Variants in B3GALNT2 observed in about 807,000 individuals in gnomAD.
B3GALNT2 encodes the protein UDP-GalNAc:beta-1,3-N-acetylgalactosaminyltransferase 2.
In B3GALNT2, 53 loss-of-function variants were observed where a neutral mutation model predicts 61.1. That is an observed-to-expected ratio of 0.87 (90% CI 0.70 to 1.09). B3GALNT2 has a LOEUF of 1.09. Ranked by LOEUF, B3GALNT2 falls within the 50% of genes least tolerant of loss-of-function variation. The pLI, the probability that B3GALNT2 is intolerant of heterozygous loss-of-function variation, is 0.00. For synonymous variants in B3GALNT2, 223 were observed against 237.4 expected, an observed-to-expected ratio of 0.94 and a Z score of 0.56; for missense variants, 544 against 623.0, an observed-to-expected ratio of 0.87 and a Z score of 1.35.
intron 1 of B3GALNT2, chr1:235,496,349 GTATT>G: frequency 1.0e-6 from 1 of 984,596 alleles, no homozygotes; most frequent in South Asian, 2.2e-5. Flanking sequence ...TGGAATAGAG[GTATT>G]TATTATTTCA....
rs1215976552 is a variant in B3GALNT2 at position 235,494,725 on chromosome 1, G to A, written c.216C>T (p.Ser72=). 1 of 1,613,148 alleles carries A rather than the reference G, an allele frequency of 6.2e-7. No individual in the cohort carries two copies. Among genetic ancestry groups the A allele is most frequent in the Non-Finnish European group, 8.5e-7 (1 of 1,179,220 alleles). The change falls in exon 2 of 12, where the codon AGC becomes AGT. Residue 72 remains serine, a synonymous_variant. Coordinates refer to ENST00000366600, the MANE Select transcript of B3GALNT2 (RefSeq NM_152490.5). The part of the protein sequence containing the change: ...NNHELRNVIR[S]TWMRHLLQHP... The stretch of plus-strand genomic sequence containing the variant: ...GCTGTAGCAAATGTCTCATCCAGGT[G>A]CTTCTTATCACGTTTCGAAGTTCAT...
At chr1:235,485,007 G>C (rs1684735294) in intron 3 of B3GALNT2, among the ~76,000 whole-genome samples, 1 of 152,230 alleles carries the variant, frequency 6.6e-6, no homozygotes, top group Non-Finnish European at 1.5e-5. Flanking sequence ...AGCAACTGAA[G>C]TCACTTCAAA....
At chr1:235,496,681 G>T (rs1040218216) in intron 1 of B3GALNT2, among the ~76,000 whole-genome samples, 1 of 151,942 alleles carries the variant, frequency 6.6e-6, no homozygotes, top group Non-Finnish European at 1.5e-5. Flanking sequence ...GAGTAGCTGG[G>T]ATTATAGGCG....
At chr1:235,480,217 C>T in intron 4 of B3GALNT2, 68 bp from the exon 5 acceptor site, 1 of 1,576,746 alleles carries the variant, frequency 6.3e-7, no homozygotes, top group Non-Finnish European at 8.6e-7. Context: ...AAAAAGTTTT[C>T]AAACACCTTA....
At chr1:235,459,746 T>C (rs1300862462) in intron 7 of B3GALNT2, among the ~76,000 whole-genome samples, 1 of 152,116 alleles carries the variant, frequency 6.6e-6, no homozygotes, top group African/African-American at 2.4e-5. Flanking sequence ...GAGGAATACA[T>C]CTAGGGAGAA....
At chr1:235,466,357 C>T (rs1442600033) in intron 6 of B3GALNT2, among the ~76,000 whole-genome samples, 1 of 151,872 alleles carries the variant, frequency 6.6e-6, no homozygotes, top group Non-Finnish European at 1.5e-5. Context: ...GCGTGAGCCA[C>T]CACACCCGGC....
rs147033218 is a variant in B3GALNT2, at chr1:235,503,415, G to T, written c.112+726C>A. ...AAAGCATTCTATTAGGCTGTGACGC[G>T]AAACAAGAACAAAGGTTTCATTCCT... On this transcript the variant is annotated intron_variant, in intron 1 of 11. Coordinates refer to ENST00000366600, the MANE Select transcript of B3GALNT2 (RefSeq NM_152490.5). 2.8e-3 allele frequency among the ~76,000 whole-genome samples: 430 copies of T among 152,334 alleles called. 1 individual carries two copies. Among genetic ancestry groups the T allele is most frequent in the Non-Finnish European group, 3.5e-3 (236 of 68,038 alleles).
rs755405777 is a variant in B3GALNT2, at chr1:235,470,885, C to G, written c.727G>C (p.Val243Leu). ...CTGAGAACTCCCCCTCCATCATTCA[C>G]TGTCACTTTGTGGAGATTTCTTGAC... ...LVSRNLHKVT[V>L]NDGGGVLRVI... Residue 243 changes from valine to leucine, a missense_variant, in exon 6 of 12, where the codon GTG becomes CTG. Physicochemically the swap from Val to Leu is conservative, Grantham distance 32. Transcript: ENST00000366600. 3.5e-5 allele frequency: 57 copies of G among 1,613,972 alleles called. No homozygotes were observed. Among genetic ancestry groups the G allele is most frequent in the Non-Finnish European group, 4.4e-5 (52 of 1,180,000 alleles).
In B3GALNT2 at chr1:235,473,513, G is replaced by A. The variant is rs184961961; in HGVS notation, c.652-2553C>T. ...GTTACCCAAGATTAAAAATACAGGC[G>A]ATGAGAACAGATGGGATGGAGACAA... On this transcript the variant is annotated intron_variant, in intron 5 of 11. Transcript: ENST00000366600. Among the ~76,000 whole-genome samples the A allele has an allele frequency of 2.7e-3, 417 of 152,266 alleles. 2 individuals are homozygous for A. Among genetic ancestry groups the A allele is most frequent in the African/African-American group, 9.8e-3 (408 of 41,558 alleles).
At position 235,448,633 on chromosome 1, in the gene B3GALNT2, T is replaced by G. The variant is rs2102958158; in HGVS notation, c.*1573A>C. ...TGTAGCATGCTTTATCGGATCTGTCTTAATCACATCCTTCCCCACCTTCGT... is the reference window on the plus strand; with the variant it reads ...TGTAGCATGCTTTATCGGATCTGTCGTAATCACATCCTTCCCCACCTTCGT... On this transcript the variant is annotated 3_prime_UTR_variant, in exon 12 of 12. Transcript: ENST00000366600. 6.4e-7 allele frequency: 1 copy of G among 1,565,530 alleles called. No individual in the cohort carries two copies. Among genetic ancestry groups the G allele is most frequent in the African/African-American group, 1.4e-5 (1 of 73,996 alleles).
At chr1:235,483,885 T>C (rs1203263283) in intron 4 of B3GALNT2, among the ~76,000 whole-genome samples, 1 of 152,236 alleles carries the variant, frequency 6.6e-6, no homozygotes, top group Non-Finnish European at 1.5e-5. Flanking sequence ...TTCTGTTTTC[T>C]GTAAAAGAAT....
intron 6 of B3GALNT2, among the ~76,000 whole-genome samples, chr1:235,469,141 T>C (rs1046169430): frequency 6.6e-6 from 1 of 152,212 alleles, no homozygotes; most frequent in African/African-American, 2.4e-5. Context: ...GCCACTAGTA[T>C]GTCTATTTTA....
rs192751881 is a variant in B3GALNT2 at position 235,447,741 on chromosome 1, G to T, written c.*2465C>A. 6.6e-6 allele frequency among the ~76,000 whole-genome samples: 1 copy of T among 152,288 alleles called. No homozygotes were observed. The highest frequency in any genetic ancestry group is 1.9e-4 in the East Asian group (1 of 5,180). ...CTCCCTTTATTCTTCTGTGCTGAGAGTATCATTCTGGTTTATTCAGATTAA... is the reference window on the plus strand; with the variant it reads ...CTCCCTTTATTCTTCTGTGCTGAGATTATCATTCTGGTTTATTCAGATTAA... On this transcript the variant is annotated 3_prime_UTR_variant, in exon 12 of 12. Coordinates refer to ENST00000366600, the MANE Select transcript of B3GALNT2 (RefSeq NM_152490.5).
intron 3 of B3GALNT2, 105 bp from the exon 4 acceptor site, chr1:235,484,620 G>T (rs996242570): frequency 3.6e-6 from 5 of 1,399,414 alleles, no homozygotes; most frequent in Non-Finnish European, 4.6e-6. Flanking sequence ...GTAATCATTT[G>T]CTATATAATT....
intron 2 of B3GALNT2, among the ~76,000 whole-genome samples, chr1:235,489,726 A>T (rs1200619204): frequency 6.6e-6 from 1 of 152,154 alleles, no homozygotes; most frequent in Non-Finnish European, 1.5e-5. Context: ...CCCTGTAACT[A>T]GTGACTCCTT....
At chr1:235,475,051 T>C (rs1268942824) in intron 5 of B3GALNT2, among the ~76,000 whole-genome samples, 2 of 131,146 alleles carry the variant, frequency 1.5e-5, no homozygotes, top group Non-Finnish European at 3.1e-5. Context: ...CAGGCTGGAG[T>C]GCAGTGGTAT....
intron 11 of B3GALNT2, 32 bp downstream of exon 11, chr1:235,453,058 T>C: frequency 6.4e-7 from 1 of 1,573,300 alleles, no homozygotes; most frequent in South Asian, 1.1e-5. Context: ...CCTCAACTCT[T>C]AAGAACCCTG....
At chr1:235,503,724 C>A (rs1685689893) in intron 1 of B3GALNT2, among the ~76,000 whole-genome samples, 1 of 151,120 alleles carries the variant, frequency 6.6e-6, no homozygotes, top group Admixed American at 6.7e-5. Context: ...CAGTCTTGAC[C>A]GAGAAAGACC....
rs1037402208 is a variant in B3GALNT2, at chr1:235,448,344, G to C, written c.*1862C>G. ...AACGAATGGACTTTTCTTGTCTTTT[G>C]ATAGGCTCCATGACAATTCAAAAGG... On this transcript the variant is annotated 3_prime_UTR_variant, in exon 12 of 12. Transcript: ENST00000366600. 1.9e-6 allele frequency: 3 copies of C among 1,610,902 alleles called. No individual in the cohort carries two copies. Among genetic ancestry groups the C allele is most frequent in the African/African-American group, 1.3e-5 (1 of 74,522 alleles).
Sources: allele counts gnomAD v4.1 joint callset (sites outside exome capture counted in the v4.1 genomes callset), GRCh38; gene constraint gnomAD v4.1.1; transcripts MANE v1.5; gene names NCBI Gene and HGNC (gene_info 2026-07-23, HGNC 2026-07-21).